Variants in ANO2 observed in about 807,000 individuals in gnomAD.
ANO2 encodes the protein anoctamin-2.
In ANO2, 101 loss-of-function variants were observed where a neutral mutation model predicts 124.2. The ratio of observed to expected loss-of-function variants is 0.81; its 90% confidence interval spans 0.69 to 0.96. The LOEUF is 0.96. ANO2 is among the 40% of genes least tolerant of loss of function. The pLI, the probability that ANO2 is intolerant of heterozygous loss-of-function variation, is 0.00. For synonymous variants in ANO2, 486 were observed against 482.5 expected (o/e 1.01, Z -0.09); for missense variants, 1,293 against 1,274.5 (o/e 1.01, Z -0.22).
chr12:5,651,420 TTC>T (rs3067649), intron 14 of ANO2, among the ~76,000 whole-genome samples: 57,587 of 151,266 alleles, frequency 0.38, 12,478 homozygotes, highest in East Asian at 0.67. Context: ...TCTTTTTTTT[TTC>T]TCTTTTTCTT....
chr12:5,657,154 C>T (rs927639688), intron 14 of ANO2, among the ~76,000 whole-genome samples: 1 of 152,172 alleles, frequency 6.6e-6, no homozygotes, highest in African/African-American at 2.4e-5. Flanking sequence ...AGGAGCTGGT[C>T]CCAGACAAAA....
At chr12:5,573,427 T>C (rs749000221) in intron 23 of ANO2, among the ~76,000 whole-genome samples, 26 of 152,160 alleles carry the variant, frequency 1.7e-4, no homozygotes, top group African/African-American at 5.8e-4. Flanking sequence ...CTGCCTCCCA[T>C]TGGACATGGA....
At chr12:5,670,787 GCTT>G (rs921569730) in intron 14 of ANO2, among the ~76,000 whole-genome samples, 2 of 152,074 alleles carry the variant, frequency 1.3e-5, no homozygotes, top group African/African-American at 4.8e-5. Flanking sequence ...TGATCCTCCT[GCTT>G]CAGCCTCCCA....
chr12:5,732,828 G>A (rs201698138), intron 13 of ANO2, 198 bp from the exon 14 acceptor site: 1 of 1,613,318 alleles, frequency 6.2e-7, no homozygotes, highest in Non-Finnish European at 8.5e-7. Context: ...GAAGAGACAA[G>A]GGACACACAA....
At chr12:5,640,991 T>C (rs1946349847) in intron 15 of ANO2, among the ~76,000 whole-genome samples, 2 of 152,184 alleles carry the variant, frequency 1.3e-5, no homozygotes, top group East Asian at 1.9e-4. Flanking sequence ...CCATCAGTGA[T>C]AGACTGGATT....
intron 10 of ANO2, among the ~76,000 whole-genome samples, chr12:5,788,304 T>C (rs1952595563): frequency 6.6e-6 from 1 of 152,240 alleles, no homozygotes; most frequent in Non-Finnish European, 1.5e-5. Flanking sequence ...TATAATCTGC[T>C]GACCTTCGGA....
chr12:5,865,999 G>A (rs1458434265), intron 3 of ANO2, among the ~76,000 whole-genome samples: 1 of 152,180 alleles, frequency 6.6e-6, no homozygotes, highest in African/African-American at 2.4e-5. Flanking sequence ...TGCTCTGAGA[G>A]AAACACCCCT....
At chr12:5,763,297 CAT>C (rs1468835298) in intron 10 of ANO2, among the ~76,000 whole-genome samples, 1 of 151,980 alleles carries the variant, frequency 6.6e-6, no homozygotes, top group East Asian at 1.9e-4. Flanking sequence ...AGCATATTAA[CAT>C]GTGTTCCAGA....
chr12:5,777,303 C>T (rs553456410), intron 10 of ANO2, among the ~76,000 whole-genome samples: 1 of 152,228 alleles, frequency 6.6e-6, no homozygotes, highest in South Asian at 2.1e-4. Context: ...AAGCAGTATG[C>T]CTCATTGAGC....
chr12:5,816,442 GAGA>G (rs1419756702), intron 7 of ANO2, among the ~76,000 whole-genome samples: 1 of 152,010 alleles, frequency 6.6e-6, no homozygotes, highest in African/African-American at 2.4e-5. Context: ...CTCCTCTGCT[GAGA>G]AGTAGAGTTC....
chr12:5,664,509 G>A (rs2136977581), intron 14 of ANO2, among the ~76,000 whole-genome samples: 1 of 152,178 alleles, frequency 6.6e-6, no homozygotes, highest in East Asian at 1.9e-4. Flanking sequence ...ATAACTTTAT[G>A]AGATATGAAT....
At chr12:5,785,405 C>G (rs959683864) in intron 10 of ANO2, among the ~76,000 whole-genome samples, 4 of 152,142 alleles carry the variant, frequency 2.6e-5, no homozygotes, top group Non-Finnish European at 1.5e-5. Context: ...TCATTCACCA[C>G]AGGAAGCCCA....
At chr12:5,919,676 G>C (rs1197883690) in intron 3 of ANO2, among the ~76,000 whole-genome samples, 1 of 150,750 alleles carries the variant, frequency 6.6e-6, no homozygotes, top group East Asian at 2.0e-4. Context: ...GAATGAGTTT[G>C]GGGGAGATGG....
chr12:5,618,739 C>T lies in ANO2; in HGVS notation c.1817-3442G>A, dbSNP rs183032773. On this transcript the variant is annotated intron_variant, in intron 16 of 24. Transcript: ENST00000682330. The stretch of plus-strand genomic sequence containing the variant: ...CTTGGCAGGTCACATTCATCAAGCA[C>T]CAGCTGTGTGTCAGGTGCCAGGCCA... 7.2e-4 allele frequency among the ~76,000 whole-genome samples: 110 copies of T among 152,320 alleles called. No homozygotes were observed. In the Middle Eastern group the frequency reaches 0.014, roughly 19 times the overall value.
chr12:5,739,167 C>T (rs757424175), intron 13 of ANO2, 150 bp downstream of exon 13: 3 of 776,682 alleles, frequency 3.9e-6, no homozygotes, highest in South Asian at 2.9e-5. Context: ...TGGCCCAAGT[C>T]CATGGAGCCA....
chr12:5,837,776 G>C (rs1954377473), intron 4 of ANO2, among the ~76,000 whole-genome samples: 1 of 151,432 alleles, frequency 6.6e-6, no homozygotes, highest in Non-Finnish European at 1.5e-5. Flanking sequence ...ATCCAAAATT[G>C]ACACCCTAAC....
chr12:5,678,974 G>C (rs1017510421), intron 14 of ANO2, among the ~76,000 whole-genome samples: 1 of 152,204 alleles, frequency 6.6e-6, no homozygotes, highest in African/African-American at 2.4e-5. Flanking sequence ...TCACATCAAT[G>C]CCAGCTCAGG....
In ANO2 at chr12:5,635,094, T is replaced by C; in HGVS notation, c.1816+58A>G. On this transcript the variant is annotated intron_variant, in intron 16 of 24. Coordinates refer to ENST00000682330, the MANE Select transcript of ANO2 (RefSeq NM_001364791.2). The surrounding 1 kb of genome is among the most constrained non-coding windows in gnomAD (Gnocchi z 5.2). The stretch of plus-strand genomic sequence containing the variant: ...TTTTTTTATTTTATCACCAAAAGCC[T>C]TGCACGCATTGACTTAAAGAGGGCC... 1 of 1,423,262 alleles carries C rather than the reference T, an allele frequency of 7.0e-7. No homozygotes were observed. The highest frequency in any genetic ancestry group is 9.4e-7 in the Non-Finnish European group (1 of 1,068,104). 88.2% of individuals were successfully genotyped at this position (1,423,262 alleles called of 1,614,324 possible).
At chr12:5,795,984 A>G (rs1279502169) in intron 10 of ANO2, among the ~76,000 whole-genome samples, 2 of 152,114 alleles carry the variant, frequency 1.3e-5, no homozygotes, top group African/African-American at 4.8e-5. Flanking sequence ...GTCATTCCTC[A>G]TATTATCAGC....
Sources: gnomAD v4.1 joint callset for allele counts (sites outside exome capture counted in the v4.1 genomes callset) on GRCh38, gnomAD v4.1.1 for gene constraint, Gnocchi (gnomAD v3.1) non-coding constraint, MANE v1.5 for transcripts, NCBI Gene and HGNC (gene_info 2026-07-23, HGNC 2026-07-21) for gene names.